The following KCNQ5 variants were observed in gnomAD, a reference collection of about 807,000 sequenced individuals.
KCNQ5 encodes the protein potassium voltage-gated channel subfamily KQT member 5.
Under a neutral mutation model 98.2 loss-of-function variants are expected in KCNQ5, and 30 were observed. The observed-to-expected ratio is 0.31, with a 90% CI of 0.23 to 0.41. KCNQ5 has a LOEUF of 0.41. Among genes scored for constraint, KCNQ5 ranks in the 10% least tolerant of loss-of-function variants. The probability of loss-of-function intolerance (pLI) is 1.00; values close to 1 mark genes in which losing one functional copy is unlikely to be tolerated. For missense variants in KCNQ5, 835 were observed against 1,182.5 expected (o/e 0.71, Z 4.31); for synonymous variants, 458 against 449.4 (o/e 1.02, Z -0.24).
intron 10 of KCNQ5, chr6:73,134,015 T>A (rs760822249): frequency 2.4e-4 from 113 of 471,240 alleles, no homozygotes; most frequent in Non-Finnish European, 4.1e-4. Flanking sequence ...ACCAGGTGCT[T>A]GCTCTGTGAA....
intron 1 of KCNQ5, among the ~76,000 whole-genome samples, chr6:72,799,996 G>T (rs916594862): frequency 6.6e-6 from 1 of 151,978 alleles, no homozygotes; most frequent in African/African-American, 2.4e-5. Flanking sequence ...AGGCCATTTA[G>T]AATAATTCAG....
At chr6:72,677,150 C>T (rs1339380998) in intron 1 of KCNQ5, 1 of 152,180 alleles carries the variant, frequency 6.6e-6, no homozygotes, top group African/African-American at 2.4e-5. Flanking sequence ...CTACCCTGCT[C>T]CTCCGTGTTG....
At chr6:73,150,108 T>A (rs1777092078) in intron 10 of KCNQ5, among the ~76,000 whole-genome samples, 1 of 151,398 alleles carries the variant, frequency 6.6e-6, no homozygotes, top group Admixed American at 6.6e-5. Flanking sequence ...CAAGAAAAGA[T>A]GTTTAATATC....
chr6:72,884,431 T>G (rs1407057953), intron 1 of KCNQ5, among the ~76,000 whole-genome samples: 4 of 152,060 alleles, frequency 2.6e-5, no homozygotes, highest in African/African-American at 9.7e-5. Context: ...GTCATCATAA[T>G]AGAGCATTCA....
At chr6:72,791,808 C>T (rs1343526541) in intron 1 of KCNQ5, among the ~76,000 whole-genome samples, 4 of 152,056 alleles carry the variant, frequency 2.6e-5, no homozygotes, top group Non-Finnish European at 4.4e-5. Flanking sequence ...CAAGAGAGCC[C>T]GCAGGAGAGA....
In KCNQ5 at chr6:72,622,292, G is replaced by T. The variant is rs984795842; in HGVS notation, c.103G>T (p.Gly35Cys). The T allele has an allele frequency of 1.5e-6, 2 of 1,312,262 alleles. No homozygotes were observed. Among genetic ancestry groups the T allele is most frequent in the Non-Finnish European group, 1.9e-6 (2 of 1,034,352 alleles). 81.3% of individuals were successfully genotyped at this position (1,312,262 alleles called of 1,614,324 possible). A position where few individuals can be genotyped will look rare whatever the true frequency, so the allele number is the denominator to read the frequency against. ...GGCGGGCGGGGGGCGCTTGGGCAGC[G>T]GCATGAAGGATGTGGAGTCCGGCCG... ...AAAGGGRLGSGMKDVESGRGR... is the reference protein window; with the variant it reads ...AAAGGGRLGSCMKDVESGRGR... The change falls in exon 1 of 14, where the codon GGC becomes TGC. Residue 35 changes from glycine to cysteine, a missense_variant. Physicochemically the swap from Gly to Cys is radical, Grantham distance 159 (BLOSUM62 -3). Around this residue, in one of 10 missense-constraint regions of KCNQ5, gnomAD observed 80 missense variants for 72.3 expected, o/e 1.11. Transcript: ENST00000370398. The surrounding 1 kb of genome is among the most constrained non-coding windows in gnomAD (Gnocchi z 6.0).
At chr6:73,060,429 AT>A (rs765531656) in intron 3 of KCNQ5, among the ~76,000 whole-genome samples, 1 of 152,190 alleles carries the variant, frequency 6.6e-6, no homozygotes, top group Non-Finnish European at 1.5e-5. Flanking sequence ...TAAATCAAAG[AT>A]TTAAATTAAA....
intron 1 of KCNQ5, among the ~76,000 whole-genome samples, chr6:72,701,559 G>T (rs7776102): frequency 0.38 from 57,496 of 151,816 alleles, 11,888 homozygotes; most frequent in South Asian, 0.53. Flanking sequence ...TGTGGGGGCG[G>T]TTCTTTTTTT....
intron 1 of KCNQ5, among the ~76,000 whole-genome samples, chr6:72,977,650 A>G (rs1768220092): frequency 6.6e-6 from 1 of 152,138 alleles, no homozygotes; most frequent in South Asian, 2.1e-4. Context: ...AATTCAGTAA[A>G]TGTCACCTTT....
At chr6:72,796,042 C>T (rs1582306381) in intron 1 of KCNQ5, among the ~76,000 whole-genome samples, 1 of 152,162 alleles carries the variant, frequency 6.6e-6, no homozygotes, top group Middle Eastern at 3.4e-3. Context: ...CCCAAATGTA[C>T]AGTCACACAC....
chr6:72,834,973 A>G (rs899712555), intron 1 of KCNQ5, among the ~76,000 whole-genome samples: 2 of 152,170 alleles, frequency 1.3e-5, no homozygotes, highest in East Asian at 3.8e-4. Flanking sequence ...TAAATTGTAT[A>G]AATTTATAAA....
chr6:72,970,358 T>G (rs1315413805), intron 1 of KCNQ5, among the ~76,000 whole-genome samples: 1 of 152,218 alleles, frequency 6.6e-6, no homozygotes, highest in Non-Finnish European at 1.5e-5. Flanking sequence ...CCAGCTTCAG[T>G]GGATTAAGTA....
chr6:73,191,732 A>G (rs1765596871), intron 12 of KCNQ5, among the ~76,000 whole-genome samples: 1 of 152,204 alleles, frequency 6.6e-6, no homozygotes, highest in Admixed American at 6.5e-5. Context: ...GTGGACATCC[A>G]GAGATTGATA....
At chr6:73,029,904 C>CAAAAAAA (rs56804434) in intron 2 of KCNQ5, among the ~76,000 whole-genome samples, 1 of 78,612 alleles carries the variant, frequency 1.3e-5, no homozygotes, top group Non-Finnish European at 2.3e-5. Flanking sequence ...GACTCCGTCT[C>CAAAAAAA]AAAAAAAAAA....
intron 1 of KCNQ5, among the ~76,000 whole-genome samples, chr6:72,623,365 T>TCC (rs997677040): frequency 6.9e-6 from 1 of 144,558 alleles, no homozygotes; most frequent in African/African-American, 2.6e-5. Flanking sequence ...GTGGGTTAAG[T>TCC]CCCCGTTTGT....
At chr6:73,012,690 T>G (rs1355524761) in intron 2 of KCNQ5, among the ~76,000 whole-genome samples, 1 of 151,986 alleles carries the variant, frequency 6.6e-6, no homozygotes, top group Admixed American at 6.6e-5. Flanking sequence ...TAAATGAGCA[T>G]TAGGAAAAAT....
At chr6:73,150,529 T>C (rs923663998) in intron 10 of KCNQ5, among the ~76,000 whole-genome samples, 5 of 147,690 alleles carry the variant, frequency 3.4e-5, no homozygotes, top group African/African-American at 1.2e-4. Context: ...ATATATGTAC[T>C]ATATATATTT....
intron 1 of KCNQ5, among the ~76,000 whole-genome samples, chr6:72,962,030 T>C (rs183608529): frequency 5.3e-5 from 8 of 151,196 alleles, no homozygotes; most frequent in Middle Eastern, 3.4e-3. Context: ...TACAAAAAAT[T>C]AACTGGGTAT....
At chr6:72,746,622 G>T (rs1289376744) in intron 1 of KCNQ5, among the ~76,000 whole-genome samples, 1 of 152,136 alleles carries the variant, frequency 6.6e-6, no homozygotes, top group African/African-American at 2.4e-5. Flanking sequence ...AACTACATTG[G>T]ATATATTTAG....
Sources: gnomAD v4.1 joint callset for allele counts (sites outside exome capture counted in the v4.1 genomes callset) on GRCh38, gnomAD v4.1.1 for gene constraint, gnomAD v4.1.1 regional missense constraint, Gnocchi (gnomAD v3.1) non-coding constraint, MANE v1.5 for transcripts, NCBI Gene and HGNC (gene_info 2026-07-23, HGNC 2026-07-21) for gene names.